BCKDK: variants seen among roughly 807,000 people sequenced by gnomAD.
BCKDK encodes the protein branched chain keto acid dehydrogenase kinase.
BCKDK carries 28 observed loss-of-function variants against 43.9 expected under a neutral mutation model. The ratio of observed to expected loss-of-function variants is 0.64; its 90% CI spans 0.47 to 0.87. The LOEUF is 0.87. Among genes scored for constraint, BCKDK ranks in the 40% least tolerant of loss-of-function variants. The pLI is 0.00. For synonymous variants in BCKDK, 257 were observed against 234.3 expected (o/e 1.10, Z -0.88); for missense variants, 483 against 581.4 (o/e 0.83, Z 1.74).
downstream of BCKDK, among the ~76,000 whole-genome samples, chr16:31,116,487 A>G (rs2057446674): frequency 6.6e-6 from 1 of 150,910 alleles, no homozygotes; most frequent in African/African-American, 2.4e-5. Flanking sequence ...GTGAGCCACC[A>G]CGCCCCGCCC....
downstream of BCKDK, chr16:31,117,403 A>AAATAAATTT (rs1567432271): frequency 3.5e-6 from 1 of 284,196 alleles, no homozygotes; most frequent in Non-Finnish European, 6.5e-6. Flanking sequence ...TAAATAAATT[A>AAATAAATTT]AAAAAAGGTT....
chr16:31,109,721 C>T lies in BCKDK; in HGVS notation c.313C>T (p.Arg105Cys), dbSNP rs1436761012. 19 of 1,613,852 alleles carry T rather than the reference C, an allele frequency of 1.2e-5. No individual in the cohort carries two copies. Among genetic ancestry groups the T allele is most frequent in the African/African-American group, 2.7e-5 (2 of 74,916 alleles). ...QQELPVRIAH[R>C]IKGFRCLPFI... ...AGAACTTCCAGTGAGGATTGCTCAC[C>T]GCATCAAGGGCTTCCGCTGCCTTCC... Residue 105 changes from arginine (R) to cysteine (C), a missense_variant, in exon 4 of 12, where the codon CGC (arginine) becomes TGC (cysteine). Coordinates refer to ENST00000219794, the MANE Select transcript of BCKDK (RefSeq NM_005881.4). The surrounding 1 kb of genome is among the most constrained non-coding windows in gnomAD (Gnocchi z 5.3).
rs199518137 is a variant in BCKDK at position 31,112,310 on chromosome 16, T to G, written c.*45T>G. 1.2e-4 allele frequency: 188 copies of G among 1,601,838 alleles called. 1 individual carries two copies. In the South Asian group the frequency reaches 2.0e-3, roughly 17 times the overall value. On this transcript the variant is annotated 3_prime_UTR_variant, in exon 12 of 12. Coordinates refer to ENST00000219794, the MANE Select transcript of BCKDK (RefSeq NM_005881.4). The surrounding 1 kb of genome is among the most constrained non-coding windows in gnomAD (Gnocchi z 5.0). ...CTCACCCGACCAGCCTGGGCCGCAT[T>G]CCCTGCAGGACCTCCCGGGTCAGGC...
chr16:31,115,367 C>A (rs11642535), downstream of BCKDK, among the ~76,000 whole-genome samples: 11,686 of 151,678 alleles, frequency 0.077, 613 homozygotes, highest in Non-Finnish European at 0.12. Context: ...GGATTACAGG[C>A]ATGCGGCCAC....
downstream of BCKDK, among the ~76,000 whole-genome samples, chr16:31,117,069 G>A (rs1371519902): frequency 6.7e-6 from 1 of 149,444 alleles, no homozygotes. Flanking sequence ...CAGGTACCAG[G>A]GCCTTTAAAA....
downstream of BCKDK, among the ~76,000 whole-genome samples, chr16:31,116,412 G>C (rs910249421): frequency 6.7e-6 from 1 of 148,386 alleles, no homozygotes; most frequent in Non-Finnish European, 1.5e-5. Flanking sequence ...GGAGTTTCAC[G>C]GTGTTAGCCA....
At chr16:31,116,385 G>T (rs974276029), downstream of BCKDK, among the ~76,000 whole-genome samples, 6 of 150,210 alleles carry the variant, frequency 4.0e-5, no homozygotes, top group Admixed American at 2.7e-4. Context: ...GCTAAATTTT[G>T]TATTTTTAGT....
Position 31,109,489 on chromosome 16 carries a change from C to T in BCKDK, c.196-22C>T. 3 of 1,614,012 alleles carry T rather than the reference C, an allele frequency of 1.9e-6. No homozygotes were observed. Among genetic ancestry groups the T allele is most frequent in the Non-Finnish European group, 2.5e-6 (3 of 1,179,986 alleles). On this transcript the variant is annotated intron_variant, in intron 2 of 11. Transcript: ENST00000219794. The surrounding 1 kb of genome is among the most constrained non-coding windows in gnomAD (Gnocchi z 5.3). ...GGGAGAGTGTTGGGGGTTCTCTGCTCAAGGCCTCTCTCCCTCTCTAGCCCT... is the reference window on the plus strand; with the variant it reads ...GGGAGAGTGTTGGGGGTTCTCTGCTTAAGGCCTCTCTCCCTCTCTAGCCCT...
chr16:31,114,882 T>G (rs2143951468), downstream of BCKDK, among the ~76,000 whole-genome samples: 1 of 151,654 alleles, frequency 6.6e-6, no homozygotes, highest in South Asian at 2.1e-4. Context: ...ATCCTTACAA[T>G]ATTTCCTTTC....
chr16:31,116,402 G>A (rs974714734), downstream of BCKDK, among the ~76,000 whole-genome samples: 4 of 149,840 alleles, frequency 2.7e-5, no homozygotes. Flanking sequence ...TAGTAGAGAC[G>A]GAGTTTCACG....
downstream of BCKDK, among the ~76,000 whole-genome samples, chr16:31,114,311 C>G (rs1396364737): frequency 8.2e-6 from 1 of 121,842 alleles, no homozygotes; most frequent in Non-Finnish European, 1.6e-5. Flanking sequence ...ACCCCAGGTT[C>G]AAGCGATTCT....
downstream of BCKDK, among the ~76,000 whole-genome samples, chr16:31,113,915 T>C (rs1260208712): frequency 6.6e-6 from 1 of 152,116 alleles, no homozygotes; most frequent in Admixed American, 6.6e-5. Context: ...CAAGCAAGGA[T>C]GTGACCTCAG....
chr16:31,110,647 G>T lies in BCKDK; in HGVS notation c.643-41G>T, dbSNP rs756453432. On this transcript the variant is annotated intron_variant, in intron 7 of 11. Coordinates refer to ENST00000219794, the MANE Select transcript of BCKDK (RefSeq NM_005881.4). The surrounding 1 kb of genome is among the most constrained non-coding windows in gnomAD (Gnocchi z 5.4). ...GAAGTTGCCAGCATCTTGGGGTGGGGCTAGGGGCGTGGGTAGTCCTGACCT... is the reference window on the plus strand; with the variant it reads ...GAAGTTGCCAGCATCTTGGGGTGGGTCTAGGGGCGTGGGTAGTCCTGACCT... The T allele has an allele frequency of 3.1e-5, 50 of 1,607,302 alleles. No homozygotes were observed. The highest frequency in any genetic ancestry group is 1.2e-4 in the African/African-American group (9 of 74,736).
Position 31,110,148 on chromosome 16 carries a change from T to C in BCKDK, c.423+24T>C. ...CGGTGAGTGCTGGGCCAGAGCAGGG[T>C]GAGGGGCTGAGAGGTTGGGCTTGGA... On this transcript the variant is annotated intron_variant, in intron 5 of 11. Coordinates refer to ENST00000219794, the MANE Select transcript of BCKDK (RefSeq NM_005881.4). This position sits in a 1 kb window ranked among gnomAD's most constrained non-coding sequence, Gnocchi z 5.4. The C allele has an allele frequency of 6.2e-7, 1 of 1,613,904 alleles. No homozygotes were observed. Among genetic ancestry groups the C allele is most frequent in the Non-Finnish European group, 8.5e-7 (1 of 1,179,980 alleles).
chr16:31,109,248 A>T lies in BCKDK; in HGVS notation c.25A>T (p.Ser9Cys). 2 of 1,534,946 alleles carry T rather than the reference A, an allele frequency of 1.3e-6. No individual in the cohort carries two copies. The highest frequency in any genetic ancestry group is 1.7e-6 in the Non-Finnish European group (2 of 1,143,354). Residue 9 changes from serine (S) to cysteine (C), a missense_variant, in exon 2 of 12, where the codon AGC (serine) becomes TGC (cysteine). Physicochemically the swap from Ser to Cys is moderately radical, Grantham distance 112. Coordinates refer to ENST00000219794, the MANE Select transcript of BCKDK (RefSeq NM_005881.4). This position sits in a 1 kb window ranked among gnomAD's most constrained non-coding sequence, Gnocchi z 5.3. Reference protein sequence around the residue: MILASVLRSGPGGGLPLRP... With the variant: MILASVLRCGPGGGLPLRP... ...GATGATCCTGGCGTCGGTGCTGAGGAGCGGTCCCGGGGGCGGGCTTCCGCT... is the reference window on the plus strand; with the variant it reads ...GATGATCCTGGCGTCGGTGCTGAGGTGCGGTCCCGGGGGCGGGCTTCCGCT...
chr16:31,111,919 T>TG lies in BCKDK; in HGVS notation c.988dup (p.Asp330GlyfsTer8). On this transcript the variant is annotated frameshift_variant, in exon 11 of 12. Transcript: ENST00000219794. LOFTEE classifies it high-confidence loss of function. ...GCTCACAAAGATCTGGACCGGGTCA[T>TG]GGACTACCACTTCACTACTGCTGAG... 1 of 1,614,158 alleles carries TG rather than the reference T, an allele frequency of 6.2e-7. No individual in the cohort carries two copies. Among genetic ancestry groups the TG allele is most frequent in the Non-Finnish European group, 8.5e-7 (1 of 1,180,026 alleles).
chr16:31,111,869 G>T lies in BCKDK; in HGVS notation c.936G>T (p.Arg312Ser), dbSNP rs751238597. 3.7e-6 allele frequency: 6 copies of T among 1,614,106 alleles called. No homozygotes were observed. Among genetic ancestry groups the T allele is most frequent in the Non-Finnish European group, 5.1e-6 (6 of 1,179,998 alleles). Residue 312 changes from arginine to serine, a missense_variant and splice_region_variant, in exon 11 of 12, where the codon AGG (arginine) becomes AGT (serine). Physicochemically the swap from Arg to Ser is moderately radical, Grantham distance 110 (BLOSUM62 -1). Transcript: ENST00000219794. ...IANNDVDLII[R>S]ISDRGGGIAH... is the part of the protein sequence containing the mutation. ...CCCATTGTTGTTGCCATCTTGCTAGGATCTCAGACCGTGGTGGAGGAATCG... is the reference window on the plus strand; with the variant it reads ...CCCATTGTTGTTGCCATCTTGCTAGTATCTCAGACCGTGGTGGAGGAATCG...
At chr16:31,112,891 G>T, downstream of BCKDK, 1 of 173,382 alleles carries the variant, frequency 5.8e-6, no homozygotes. This position sits in a 1 kb window ranked among gnomAD's most constrained non-coding sequence, Gnocchi z 5.0. Context: ...AGTTTCTAGA[G>T]GTGAAGGTCA....
downstream of BCKDK, among the ~76,000 whole-genome samples, chr16:31,112,942 T>G (rs2057426361): frequency 6.6e-6 from 1 of 152,194 alleles, no homozygotes; most frequent in Admixed American, 6.5e-5. The surrounding 1 kb of genome is among the most constrained non-coding windows in gnomAD (Gnocchi z 5.0). Context: ...TTCCCAAGCC[T>G]GAGTAGGTTA....
Sources: allele counts gnomAD v4.1 joint callset (sites outside exome capture counted in the v4.1 genomes callset), GRCh38; gene constraint gnomAD v4.1.1; non-coding constraint Gnocchi (gnomAD v3.1); transcripts MANE v1.5; gene names NCBI Gene and HGNC (gene_info 2026-07-23, HGNC 2026-07-21).